SETD1B: variants seen among roughly 807,000 people sequenced by gnomAD.
The protein encoded by SETD1B is histone-lysine N-methyltransferase SETD1B.
In SETD1B, 7 loss-of-function variants were observed where a neutral mutation model predicts 148.0. That is an observed-to-expected ratio of 0.05 (90% confidence interval 0.03 to 0.09). SETD1B has a LOEUF of 0.09. Ranked by LOEUF, SETD1B falls within the 10% of genes least tolerant of loss-of-function variation. The pLI is 1.00. For missense variants in SETD1B, 2,155 were observed against 2,729.9 expected, an observed-to-expected ratio of 0.79 and a Z score of 4.69; for synonymous variants, 1,361 against 1,186.5, an observed-to-expected ratio of 1.15 and a Z score of -3.02.
chr12:121,817,926 G>T lies in SETD1B; in HGVS notation c.3418+22G>T, dbSNP rs1169830787. On this transcript the variant is annotated intron_variant, in intron 10 of 16. Transcript: ENST00000604567. This position sits in a 1 kb window ranked among gnomAD's most constrained non-coding sequence, Gnocchi z 8.1. ...GAAGGTGAGCAGGGAGGCCGTGGCT[G>T]CCTGGCCCTCCCGGAGTCCCTCTTT... 11 of 1,511,796 alleles carry T rather than the reference G, an allele frequency of 7.3e-6. No individual in the cohort carries two copies. Among genetic ancestry groups the T allele is most frequent in the Non-Finnish European group, 9.8e-6 (11 of 1,126,442 alleles). The allele number at this position is 1,511,796 out of a possible 1,614,324, so 93.6% of individuals were successfully genotyped here.
At chr12:121,820,233 GGT>G (rs1266292076) in intron 11 of SETD1B, among the ~76,000 whole-genome samples, 1 of 152,230 alleles carries the variant, frequency 6.6e-6, no homozygotes. Context: ...GTGACAAGTC[GGT>G]GGGGTAGGCC....
rs1875578843 is a variant in SETD1B, at chr12:121,804,217, C to T, written c.-31C>T. On this transcript the variant is annotated 5_prime_UTR_variant, in exon 1 of 17. Transcript: ENST00000604567. This position sits in a 1 kb window ranked among gnomAD's most constrained non-coding sequence, Gnocchi z 4.6. ...GTACTGGCTGGCGGCGCAGGGAGGC[C>T]GGCGCCCGGCGGGGATGTAAGCGCG... The T allele has an allele frequency of 6.7e-6, 1 of 148,374 alleles. No individual in the cohort carries two copies. The highest frequency in any genetic ancestry group is 1.5e-5 in the Non-Finnish European group (1 of 66,366). 9.2% of individuals were successfully genotyped at this position (148,374 alleles called of 1,614,324 possible). A position where few individuals can be genotyped will look rare whatever the true frequency, so the allele number is the denominator to read the frequency against.
chr12:121,806,178 G>A lies in SETD1B; in HGVS notation c.544+73G>A. ...TTTCCCTCCCCACCCTTCCTGCAGC[G>A]TGGGGAGGACCCCCCCTCACTCTTC... On this transcript the variant is annotated intron_variant, in intron 4 of 16. Transcript: ENST00000604567. 3.4e-6 allele frequency: 5 copies of A among 1,485,888 alleles called. No individual in the cohort carries two copies. The South Asian group carries it at 5.3e-5, about 16-fold the overall frequency. 92.0% of individuals were successfully genotyped at this position (1,485,888 alleles called of 1,614,324 possible).
the SETD1B span, among the ~76,000 whole-genome samples, chr12:121,798,920 C>T: frequency 1.3e-5 from 2 of 152,332 alleles, no homozygotes; most frequent in African/African-American, 2.4e-5. Context: ...TTACTATGTG[C>T]CAAGCGTGGA....
chr12:121,829,686 T>C (rs947936958), intron 16 of SETD1B, among the ~76,000 whole-genome samples: 3 of 152,052 alleles, frequency 2.0e-5, no homozygotes, highest in African/African-American at 7.2e-5. Flanking sequence ...TATATGCAAA[T>C]GAATGGGAGA....
chr12:121,819,874 T>C lies in SETD1B; in HGVS notation c.3889T>C (p.Leu1297=), dbSNP rs1343554350. 4 of 1,550,746 alleles carry C rather than the reference T, an allele frequency of 2.6e-6. No homozygotes were observed. The highest frequency in any genetic ancestry group is 3.5e-6 in the Non-Finnish European group (4 of 1,146,770). Residue 1297 remains leucine (L), a synonymous_variant, in exon 11 of 17, where the codon TTG becomes CTG. Transcript: ENST00000604567. ...PAKEVEARPP[L]SPERAPEHDL... ...CAAGGAGGTGGAGGCTCGACCCCCA[T>C]TGTCCCCTGAGCGAGCTCCAGGTAA...
At chr12:121,791,450 G>A in the SETD1B span, among the ~76,000 whole-genome samples, 1 of 152,162 alleles carries the variant, frequency 6.6e-6, no homozygotes, top group Non-Finnish European at 1.5e-5. Context: ...CAATAGAGCT[G>A]GGGTCAAAGC....
At chr12:121,822,433 A>C in intron 11 of SETD1B, 57 bp from the exon 12 acceptor site, 1 of 1,478,594 alleles carries the variant, frequency 6.8e-7, no homozygotes, top group Non-Finnish European at 9.0e-7. Flanking sequence ...AAAATAAGGC[A>C]CTGAGAGACG....
chr12:121,813,472 C>G (rs1876137501), intron 6 of SETD1B, among the ~76,000 whole-genome samples: 1 of 152,210 alleles, frequency 6.6e-6, no homozygotes, highest in Non-Finnish European at 1.5e-5. Context: ...AATCCCGGCT[C>G]CATCTCTTCT....
intron 10 of SETD1B, 56 bp from the exon 11 acceptor site, chr12:121,819,348 G>C: frequency 6.5e-7 from 1 of 1,546,852 alleles, no homozygotes; most frequent in South Asian, 1.2e-5. Context: ...GGGGTCTGGT[G>C]GGGGCTGGGG....
At chr12:121,820,685 C>T (rs1876526283) in intron 11 of SETD1B, among the ~76,000 whole-genome samples, 1 of 152,224 alleles carries the variant, frequency 6.6e-6, no homozygotes, top group African/African-American at 2.4e-5. Context: ...AGGCACTCGC[C>T]ACCACACCCG....
rs1877036586 is a variant in SETD1B, at chr12:121,830,350, C to T, written c.*111C>T. 1.8e-6 allele frequency: 2 copies of T among 1,101,372 alleles called. No homozygotes were observed. Among genetic ancestry groups the T allele is most frequent in the East Asian group, 5.2e-5 (2 of 38,290 alleles). The allele number at this position is 1,101,372 out of a possible 1,614,324, so 68.2% of individuals were successfully genotyped here. On this transcript the variant is annotated 3_prime_UTR_variant, in exon 17 of 17. Coordinates refer to ENST00000604567, the MANE Select transcript of SETD1B (RefSeq NM_001353345.2). This position sits in a 1 kb window ranked among gnomAD's most constrained non-coding sequence, Gnocchi z 5.7. ...CGCCCGCCCCCATTTCAGGTGCTGT[C>T]CTCTACCCAGCGGCCATTCAGGGCC...
At chr12:121,828,908 G>A (rs2137591684) in intron 16 of SETD1B, among the ~76,000 whole-genome samples, 1 of 152,368 alleles carries the variant, frequency 6.6e-6, no homozygotes, top group South Asian at 2.1e-4. Flanking sequence ...TCTTCGTTGT[G>A]ACTTGATCCT....
Position 121,819,415 on chromosome 12 carries a change from A to G in SETD1B, c.3430A>G (p.Ser1144Gly), listed in dbSNP as rs201286518. The G allele has an allele frequency of 1.7e-4, 268 of 1,551,888 alleles. No individual in the cohort carries two copies. In the African/African-American group the frequency reaches 3.2e-3, roughly 19 times the overall value. ...EGDSDEEETV[S>G]IVTSKAEATS... Reference sequence around the variant, plus strand: ...TGTCCCCCATCCAGAGGAGACAGTGAGCATTGTAACCTCCAAGGCCGAAGC... The same window carrying G: ...TGTCCCCCATCCAGAGGAGACAGTGGGCATTGTAACCTCCAAGGCCGAAGC... Residue 1144 changes from serine to glycine, a missense_variant, in exon 11 of 17, where the codon AGC becomes GGC. By Grantham distance (56) the Ser-to-Gly change is moderately conservative. Transcript: ENST00000604567.
chr12:121,830,290 G>A lies in SETD1B; in HGVS notation c.*51G>A, dbSNP rs1877032903. The A allele has an allele frequency of 1.3e-6, 2 of 1,512,538 alleles. No homozygotes were observed. The highest frequency in any genetic ancestry group is 1.8e-6 in the Non-Finnish European group (2 of 1,124,666). The allele number at this position is 1,512,538 out of a possible 1,614,324, so 93.7% of individuals were successfully genotyped here. On this transcript the variant is annotated 3_prime_UTR_variant, in exon 17 of 17. Coordinates refer to ENST00000604567, the MANE Select transcript of SETD1B (RefSeq NM_001353345.2). The surrounding 1 kb of genome is among the most constrained non-coding windows in gnomAD (Gnocchi z 5.7). ...TCAGCCGTAGCCCTGGGACTCCCGA[G>A]CGTGGAGCCCCTGGCCCCGGGGCCC... is the stretch of plus-strand genomic sequence containing the variant.
rs1021946537 is a variant in SETD1B, at chr12:121,804,158, C to G, written c.-90C>G. 6.7e-6 allele frequency: 1 copy of G among 149,878 alleles called. No homozygotes were observed. Among genetic ancestry groups the G allele is most frequent in the Non-Finnish European group, 1.5e-5 (1 of 67,018 alleles). 9.3% of individuals were successfully genotyped at this position (149,878 alleles called of 1,614,324 possible). On this transcript the variant is annotated 5_prime_UTR_variant, in exon 1 of 17. Transcript: ENST00000604567. This position sits in a 1 kb window ranked among gnomAD's most constrained non-coding sequence, Gnocchi z 4.6. ...CCCCCCTTCCTGGCCCCCGGTCCGG[C>G]CGCCCCGGCCTCGGCTCCCTCGGGG...
the SETD1B span, among the ~76,000 whole-genome samples, chr12:121,790,934 C>CGTGAT: frequency 6.6e-6 from 1 of 152,106 alleles, no homozygotes. Flanking sequence ...AGTGCAGTAG[C>CGTGAT]GTGATCTTGA....
chr12:121,829,641 T>C (rs955168440), intron 16 of SETD1B, among the ~76,000 whole-genome samples: 2 of 152,242 alleles, frequency 1.3e-5, no homozygotes, highest in Non-Finnish European at 2.9e-5. Flanking sequence ...TGGCAACTAC[T>C]GAACTTGGCT....
chr12:121,791,793 C>T, the SETD1B span, among the ~76,000 whole-genome samples: 3 of 152,224 alleles, frequency 2.0e-5, no homozygotes, highest in Admixed American at 6.5e-5. Context: ...AAAGAAAAAA[C>T]CTCCTGACCT....
Sources: gnomAD v4.1 joint callset for allele counts (sites outside exome capture counted in the v4.1 genomes callset) on GRCh38, gnomAD v4.1.1 for gene constraint, Gnocchi (gnomAD v3.1) non-coding constraint, MANE v1.5 for transcripts, NCBI Gene and HGNC (gene_info 2026-07-23, HGNC 2026-07-21) for gene names.